The following RALYL variants were observed in gnomAD, a reference collection of about 807,000 sequenced individuals.
The protein encoded by RALYL is RNA-binding Raly-like protein.
A neutral mutation model predicts 35.1 loss-of-function variants in RALYL; 29 were observed. The ratio of observed to expected loss-of-function variants is 0.83; its 90% CI spans 0.61 to 1.13. RALYL has a LOEUF of 1.13. RALYL is among the 50% of genes most tolerant of loss of function. RALYL has a pLI of 0.00. For missense variants in RALYL, 359 were observed against 360.4 expected (o/e 1.00, Z 0.03); for synonymous variants, 120 against 127.6 (o/e 0.94, Z 0.40).
intron 2 of RALYL, among the ~76,000 whole-genome samples, chr8:84,699,441 T>C (rs759553103): frequency 6.6e-6 from 1 of 152,128 alleles, no homozygotes; most frequent in Non-Finnish European, 1.5e-5. Flanking sequence ...TTCTAAAGGC[T>C]GGGAAATCTA....
chr8:84,705,308 G>A (rs1421622353), intron 2 of RALYL, among the ~76,000 whole-genome samples: 1 of 152,042 alleles, frequency 6.6e-6, no homozygotes, highest in Non-Finnish European at 1.5e-5. Flanking sequence ...CCAGGGGTTG[G>A]GGGTGGGGGA....
intron 2 of RALYL, among the ~76,000 whole-genome samples, chr8:84,619,723 A>G (rs1461822020): frequency 1.3e-5 from 2 of 151,592 alleles, no homozygotes; most frequent in South Asian, 2.1e-4. Flanking sequence ...ATTTTGCAGC[A>G]GCTGGTGCCG....
chr8:84,405,327 A>G (rs1029193001), intron 1 of RALYL, among the ~76,000 whole-genome samples: 2 of 152,214 alleles, frequency 1.3e-5, no homozygotes, highest in African/African-American at 4.8e-5. Context: ...AACAAATTCA[A>G]AAGCTAGCAG....
At chr8:84,510,579 G>A (rs556227728) in intron 1 of RALYL, among the ~76,000 whole-genome samples, 1 of 152,230 alleles carries the variant, frequency 6.6e-6, no homozygotes, top group Admixed American at 6.5e-5. Flanking sequence ...GGGAGGCCGA[G>A]GTGGGCGGAT....
At chr8:84,874,858 G>A (rs1290858692) in intron 7 of RALYL, among the ~76,000 whole-genome samples, 1 of 152,106 alleles carries the variant, frequency 6.6e-6, no homozygotes, top group Non-Finnish European at 1.5e-5. Flanking sequence ...AATAATTGGA[G>A]TTATCAAGGA....
intron 2 of RALYL, among the ~76,000 whole-genome samples, chr8:84,691,117 T>C (rs187399147): frequency 6.6e-6 from 1 of 152,218 alleles, no homozygotes; most frequent in East Asian, 1.9e-4. Context: ...ATGTCTGGCA[T>C]TTATTAAACC....
intron 7 of RALYL, among the ~76,000 whole-genome samples, chr8:84,885,976 CTT>C (rs1289755811): frequency 6.6e-6 from 1 of 152,146 alleles, no homozygotes; most frequent in Non-Finnish European, 1.5e-5. Context: ...GAAAGAATGA[CTT>C]AATGTGCTTA....
chr8:84,855,869 G>T, intron 5 of RALYL, among the ~76,000 whole-genome samples: 1 of 152,060 alleles, frequency 6.6e-6, no homozygotes. Context: ...TGTAAAACAC[G>T]TATACATTTT....
chr8:84,575,514 C>T (rs1471081923), intron 2 of RALYL, among the ~76,000 whole-genome samples: 2 of 152,104 alleles, frequency 1.3e-5, no homozygotes, highest in Admixed American at 6.6e-5. Flanking sequence ...TGTTCTTCCT[C>T]ACAAGATTGA....
At chr8:84,856,674 G>A (rs747642846) in intron 5 of RALYL, among the ~76,000 whole-genome samples, 3 of 152,218 alleles carry the variant, frequency 2.0e-5, no homozygotes, top group Non-Finnish European at 2.9e-5. Flanking sequence ...ATTATAGGCA[G>A]AGTTTATGAG....
intron 1 of RALYL, among the ~76,000 whole-genome samples, chr8:84,282,714 G>A (rs1220663514): frequency 6.7e-6 from 1 of 148,656 alleles, no homozygotes; most frequent in Non-Finnish European, 1.5e-5. Flanking sequence ...ACATATATAT[G>A]TGTGTATATA....
At chr8:84,661,627 ATTT>A (rs1830933996) in intron 2 of RALYL, among the ~76,000 whole-genome samples, 1 of 139,858 alleles carries the variant, frequency 7.2e-6, no homozygotes, top group Non-Finnish European at 1.6e-5. Flanking sequence ...TATTTTATTT[ATTT>A]TATTTATTTT....
intron 2 of RALYL, among the ~76,000 whole-genome samples, chr8:84,637,256 T>C (rs1825258040): frequency 6.6e-6 from 1 of 151,920 alleles, no homozygotes; most frequent in Non-Finnish European, 1.5e-5. Context: ...CTAGGACAGT[T>C]TTGCCCTTTC....
intron 1 of RALYL, among the ~76,000 whole-genome samples, chr8:84,338,339 G>T (rs1054382671): frequency 2.6e-5 from 4 of 151,618 alleles, no homozygotes; most frequent in African/African-American, 7.3e-5. Context: ...TAAATTAATT[G>T]TACTAGGGAC....
rs547505464 is a variant in RALYL, at chr8:84,245,675, C to T, written c.-24+61251C>T. ...TTTGGATAGCATATATTCATAAGAA[C>T]ATTTGTTAACATTAAAGTAAACTTC... On this transcript the variant is annotated intron_variant, in intron 1 of 8. Coordinates refer to ENST00000521268, the MANE Select transcript of RALYL (RefSeq NM_173848.7). Among the ~76,000 whole-genome samples, 61 of 152,162 alleles carry T rather than the reference C, an allele frequency of 4.0e-4. 1 individual carries two copies. The highest frequency in any genetic ancestry group is 1.4e-3 in the African/African-American group (60 of 41,516).
intron 4 of RALYL, among the ~76,000 whole-genome samples, chr8:84,829,729 G>A (rs772160032): frequency 6.6e-5 from 10 of 152,126 alleles, no homozygotes; most frequent in African/African-American, 2.2e-4. Context: ...AAGTCACAGC[G>A]AACACTGAGT....
intron 7 of RALYL, among the ~76,000 whole-genome samples, chr8:84,876,475 C>T (rs898751469): frequency 1.6e-4 from 24 of 152,226 alleles, no homozygotes; most frequent in African/African-American, 4.8e-4. Context: ...TTAAAAGAGC[C>T]GCATATAAGT....
At chr8:84,419,941 A>T (rs2045294497) in intron 1 of RALYL, among the ~76,000 whole-genome samples, 2 of 151,220 alleles carry the variant, frequency 1.3e-5, no homozygotes, top group Admixed American at 1.3e-4. Flanking sequence ...AATCCAGTCT[A>T]TCATTGTTGG....
At chr8:84,230,543 T>C (rs1825091245) in intron 1 of RALYL, among the ~76,000 whole-genome samples, 1 of 152,194 alleles carries the variant, frequency 6.6e-6, no homozygotes, top group Non-Finnish European at 1.5e-5. Context: ...AGTTAAAATA[T>C]GAATTAGTTG....
Sources: gnomAD v4.1 joint callset for allele counts (sites outside exome capture counted in the v4.1 genomes callset) on GRCh38, gnomAD v4.1.1 for gene constraint, MANE v1.5 for transcripts, NCBI Gene and HGNC (gene_info 2026-07-23, HGNC 2026-07-21) for gene names.